The following PPP1R9A variants were observed in gnomAD, a reference collection of about 807,000 sequenced individuals.
PPP1R9A encodes neurabin-1.
A neutral mutation model predicts 141.9 loss-of-function variants in PPP1R9A; 59 were observed. The observed-to-expected ratio is 0.42, with a 90% confidence interval of 0.34 to 0.52. The LOEUF (loss-of-function observed/expected upper bound fraction) is 0.52. Ranked by LOEUF, PPP1R9A falls within the 20% of genes least tolerant of loss-of-function variation. The pLI is 0.10. For synonymous variants in PPP1R9A, 500 were observed against 569.7 expected, an observed-to-expected ratio of 0.88 and a Z score of 1.74; for missense variants, 1,444 against 1,611.9, an observed-to-expected ratio of 0.90 and a Z score of 1.78.
At chr7:95,069,906 A>G (rs1265214788) in intron 2 of PPP1R9A, among the ~76,000 whole-genome samples, 2 of 152,140 alleles carry the variant, frequency 1.3e-5, no homozygotes, top group Non-Finnish European at 2.9e-5. Context: ...CATGTTGTCA[A>G]TGTAGGAAAT....
At chr7:95,113,782 T>C (rs150503133) in intron 3 of PPP1R9A, among the ~76,000 whole-genome samples, 219 of 152,228 alleles carry the variant, frequency 1.4e-3, no homozygotes, top group African/African-American at 5.2e-3. Context: ...TAATTCACTG[T>C]CCAATTTAGC....
intron 2 of PPP1R9A, among the ~76,000 whole-genome samples, chr7:95,081,057 T>C (rs551769120): frequency 6.6e-6 from 1 of 152,276 alleles, no homozygotes; most frequent in Non-Finnish European, 1.5e-5. Flanking sequence ...CTAGAATCAA[T>C]TAATTCAGAA....
At chr7:95,135,762 C>T (rs1164390094) in intron 4 of PPP1R9A, among the ~76,000 whole-genome samples, 1 of 151,342 alleles carries the variant, frequency 6.6e-6, no homozygotes, top group Non-Finnish European at 1.5e-5. Context: ...AGTGCTCTTG[C>T]CTTATTAAAG....
chr7:95,046,580 A>G (rs1810044923), intron 2 of PPP1R9A, among the ~76,000 whole-genome samples: 2 of 152,084 alleles, frequency 1.3e-5, no homozygotes, highest in Admixed American at 1.3e-4. Context: ...TAATATGCAC[A>G]TTTTCTAAGA....
chr7:95,096,977 C>T (rs1014431145), intron 2 of PPP1R9A, among the ~76,000 whole-genome samples: 3 of 152,156 alleles, frequency 2.0e-5, no homozygotes, highest in South Asian at 2.1e-4. Flanking sequence ...ATAGCATGGC[C>T]CACATCCCTT....
intron 8 of PPP1R9A, among the ~76,000 whole-genome samples, chr7:95,242,856 C>T (rs1332033679): frequency 6.6e-6 from 1 of 152,162 alleles, no homozygotes; most frequent in Non-Finnish European, 1.5e-5. Flanking sequence ...AGCCCAAAAA[C>T]TCCAACAGGC....
intron 8 of PPP1R9A, among the ~76,000 whole-genome samples, chr7:95,236,211 AT>A (rs1455078109): frequency 6.6e-6 from 1 of 152,090 alleles, no homozygotes; most frequent in Admixed American, 6.6e-5. Context: ...GTTTTTCCGT[AT>A]TTTTTTATTT....
intron 12 of PPP1R9A, among the ~76,000 whole-genome samples, chr7:95,260,676 CAAAA>C (rs5885903): frequency 1.1e-4 from 13 of 119,154 alleles, no homozygotes; most frequent in Non-Finnish European, 1.3e-4. Flanking sequence ...GACTCTGACT[CAAAA>C]AAAAAAAAAA....
At chr7:95,231,849 C>T (rs193178803) in intron 8 of PPP1R9A, among the ~76,000 whole-genome samples, 2 of 151,976 alleles carry the variant, frequency 1.3e-5, no homozygotes, top group East Asian at 3.9e-4. Context: ...GAAACAAGAA[C>T]AATCCAAACC....
At chr7:95,028,745 C>T (rs1024615748) in intron 2 of PPP1R9A, among the ~76,000 whole-genome samples, 2 of 152,172 alleles carry the variant, frequency 1.3e-5, no homozygotes, top group African/African-American at 4.8e-5. Flanking sequence ...TTAATACATA[C>T]AAACAAATTC....
chr7:95,159,797 A>G (rs932437088), intron 4 of PPP1R9A, among the ~76,000 whole-genome samples: 4 of 151,708 alleles, frequency 2.6e-5, no homozygotes, highest in African/African-American at 4.8e-5. Flanking sequence ...TTGGTGGTGC[A>G]TGCCTGTAAT....
At chr7:94,930,973 C>T (rs1339484022) in intron 2 of PPP1R9A, among the ~76,000 whole-genome samples, 2 of 152,262 alleles carry the variant, frequency 1.3e-5, no homozygotes, top group South Asian at 2.1e-4. Context: ...AGACTGTTAG[C>T]GTATCCGTAC....
At chr7:95,165,879 G>A (rs894227603) in intron 5 of PPP1R9A, among the ~76,000 whole-genome samples, 3 of 152,112 alleles carry the variant, frequency 2.0e-5, no homozygotes, top group Non-Finnish European at 4.4e-5. Flanking sequence ...CAGGCGCAGT[G>A]GCTCATGCCT....
At chr7:95,029,209 C>T (rs1051133648) in intron 2 of PPP1R9A, among the ~76,000 whole-genome samples, 7 of 152,052 alleles carry the variant, frequency 4.6e-5, no homozygotes, top group African/African-American at 1.7e-4. Flanking sequence ...ATCTTTTTCA[C>T]AGGGTGAGGA....
intron 8 of PPP1R9A, among the ~76,000 whole-genome samples, chr7:95,239,452 A>C (rs1797144217): frequency 6.6e-6 from 1 of 152,168 alleles, no homozygotes; most frequent in South Asian, 2.1e-4. Context: ...CCAGCTATTC[A>C]GAGGGCTGAG....
chr7:95,021,819 G>A lies in PPP1R9A; in HGVS notation c.1396-89440G>A, dbSNP rs573769897. Among the ~76,000 whole-genome samples, 1,389 of 152,054 alleles carry A rather than the reference G, an allele frequency of 9.1e-3. 10 individuals carry two copies. The highest frequency in any genetic ancestry group is 0.016 in the Non-Finnish European group (1,108 of 67,954). On this transcript the variant is annotated intron_variant, in intron 2 of 19. Transcript: ENST00000433360. ...ATTTCCAAGGGCTCTGTTCTGTTCC[G>A]TTGGTCTATATCTCTGTTTTTGTAC... is the stretch of plus-strand genomic sequence containing the variant.
intron 2 of PPP1R9A, among the ~76,000 whole-genome samples, chr7:95,077,209 A>AT (rs1814988750): frequency 6.6e-6 from 1 of 151,724 alleles, no homozygotes; most frequent in African/African-American, 2.4e-5. Flanking sequence ...ACTTCTTTTT[A>AT]TTTTTTTGTT....
intron 2 of PPP1R9A, among the ~76,000 whole-genome samples, chr7:95,075,925 A>G (rs1427493721): frequency 6.6e-6 from 1 of 152,172 alleles, no homozygotes; most frequent in Admixed American, 6.5e-5. Context: ...GTGGGAAAGT[A>G]ACTAGAAAAT....
At chr7:95,046,213 G>A (rs1210514513) in intron 2 of PPP1R9A, among the ~76,000 whole-genome samples, 2 of 151,952 alleles carry the variant, frequency 1.3e-5, no homozygotes, top group South Asian at 2.1e-4. Flanking sequence ...CGAGTAGCTG[G>A]GATTACAGGA....
Sources: allele counts gnomAD v4.1 joint callset (sites outside exome capture counted in the v4.1 genomes callset), GRCh38; gene constraint gnomAD v4.1.1; transcripts MANE v1.5; gene names NCBI Gene and HGNC (gene_info 2026-07-23, HGNC 2026-07-21).